The following MPZ variants were observed in gnomAD, a reference collection of about 807,000 sequenced individuals.
MPZ encodes the protein myelin protein P0.
In MPZ, 13 loss-of-function variants were observed where a neutral mutation model predicts 27.9. The observed-to-expected ratio is 0.47, with a 90% CI of 0.30 to 0.74. The LOEUF (loss-of-function observed/expected upper bound fraction) is 0.74, where lower values mean the gene tolerates loss of function less well. Among genes scored for constraint, MPZ ranks in the 30% least tolerant of loss-of-function variants. The pLI, the probability that MPZ is intolerant of heterozygous loss-of-function variation, is 0.06. For synonymous variants in MPZ, 118 were observed against 128.9 expected, an observed-to-expected ratio of 0.92 and a Z score of 0.57; for missense variants, 256 against 317.5, an observed-to-expected ratio of 0.81 and a Z score of 1.47.
At chr1:161,306,668 A>G (rs776030160) in intron 3 of MPZ, 40 bp downstream of exon 3, 1 of 1,604,230 alleles carries the variant, frequency 6.2e-7, no homozygotes, top group South Asian at 1.1e-5. Context: ...ATCCCCTCCC[A>G]AACTGCTTCC....
chr1:161,305,881 T>C lies in MPZ; in HGVS notation c.742A>G (p.Lys248Glu). ...KGLGESRKDK[K>E] The stretch of plus-strand genomic sequence containing the variant: ...CCCGCCCGGCCCGCTAACCGCTATT[T>C]CTTATCCTTGCGAGACTCCCCCAGC... Residue 248 changes from lysine to glutamate, a missense_variant, in exon 6 of 6, where the codon AAA (lysine) becomes GAA (glutamate). By Grantham distance (56) the Lys-to-Glu change is moderately conservative. Transcript: ENST00000533357. 1 of 1,613,194 alleles carries C rather than the reference T, an allele frequency of 6.2e-7. No individual in the cohort carries two copies. Among genetic ancestry groups the C allele is most frequent in the Non-Finnish European group, 8.5e-7 (1 of 1,179,408 alleles).
chr1:161,304,586 G>T (rs1670181932), downstream of MPZ: 1 of 152,558 alleles, frequency 6.6e-6, no homozygotes, highest in Non-Finnish European at 1.5e-5. Flanking sequence ...GTCTTGTGAG[G>T]CTATTTCAGA....
intron 2 of MPZ, 50 bp from the exon 3 acceptor site, chr1:161,306,971 C>G (rs1490947394): frequency 4.9e-6 from 5 of 1,014,870 alleles, no homozygotes; most frequent in Non-Finnish European, 7.3e-6. Flanking sequence ...GAGAACACAG[C>G]TGTCAAAGCT....
intron 1 of MPZ, 65 bp downstream of exon 1, chr1:161,309,774 G>A (rs1670357670): frequency 1.3e-5 from 17 of 1,298,708 alleles, no homozygotes; most frequent in Non-Finnish European, 1.9e-5. Flanking sequence ...GTGCAGCAAA[G>A]GCTGTGGGGA....
At chr1:161,309,553 T>TATATATATATATATATA (rs1553259997) in intron 1 of MPZ, among the ~76,000 whole-genome samples, 4 of 69,816 alleles carry the variant, frequency 5.7e-5, no homozygotes, top group South Asian at 4.8e-4. Context: ...TATATATATA[T>TATATATATATATATATA]TTTTTTTTTT....
chr1:161,309,359 T>C (rs529833201), intron 1 of MPZ, among the ~76,000 whole-genome samples: 4 of 152,100 alleles, frequency 2.6e-5, no homozygotes, highest in East Asian at 3.9e-4. Context: ...TATTTCTTTA[T>C]GTAATCTAAC....
At chr1:161,304,425 G>A (rs1219538343), downstream of MPZ, among the ~76,000 whole-genome samples, 1 of 152,158 alleles carries the variant, frequency 6.6e-6, no homozygotes, top group Admixed American at 6.5e-5. Flanking sequence ...TAACTGTCCT[G>A]GGGATCACAC....
In MPZ at chr1:161,309,552, A is replaced by ATATATTT; in HGVS notation, c.67+286_67+287insAAATATA. Among the ~76,000 whole-genome samples the ATATATTT allele has an allele frequency of 2.5e-3, 201 of 80,612 alleles. 4 individuals carry two copies. The highest frequency in any genetic ancestry group is 0.011 in the African/African-American group (186 of 17,312). 52.9% of individuals were successfully genotyped at this position (80,612 alleles called of 152,430 possible). On this transcript the variant is annotated intron_variant, in intron 1 of 5. Transcript: ENST00000533357. ...TTTCTTTTCATATATATATATATAT[A>ATATATTT]TTTTTTTTTTTTTTGAATTTTACAG... is the stretch of plus-strand genomic sequence containing the variant.
intron 1 of MPZ, among the ~76,000 whole-genome samples, chr1:161,308,415 A>C (rs115426293): frequency 0.011 from 1,690 of 152,270 alleles, 33 homozygotes; most frequent in African/African-American, 0.039. Context: ...CCACACAAGG[A>C]AGGTCATTCC....
rs1553259988 is a variant in MPZ, at chr1:161,309,535, C to CTCAT, written c.67+303_67+304insATGA. Among the ~76,000 whole-genome samples, 303 of 112,398 alleles carry CTCAT rather than the reference C, an allele frequency of 2.7e-3. 9 individuals carry two copies. The South Asian group carries it at 0.036, about 13-fold the overall frequency. 73.7% of individuals were successfully genotyped at this position (112,398 alleles called of 152,430 possible). A position where few individuals can be genotyped will look rare whatever the true frequency, so the allele number is the denominator to read the frequency against. On this transcript the variant is annotated intron_variant, in intron 1 of 5. Coordinates refer to ENST00000533357, the MANE Select transcript of MPZ (RefSeq NM_000530.8). ...CTCTAAATGCATATTTTTTTCTTTT[C>CTCAT]ATATATATATATATATATTTTTTTT...
chr1:161,307,700 T>A (rs138403598), intron 1 of MPZ, among the ~76,000 whole-genome samples: 1 of 152,356 alleles, frequency 6.6e-6, no homozygotes, highest in African/African-American at 2.4e-5. Flanking sequence ...TGTCTTTAAG[T>A]CTCACTTCTC....
rs1263440870 is a variant in MPZ, at chr1:161,304,819, A to G, written c.*1057T>C. 2.0e-5 allele frequency: 3 copies of G among 152,610 alleles called. No homozygotes were observed. The highest frequency in any genetic ancestry group is 4.4e-5 in the Non-Finnish European group (3 of 68,008). The allele number at this position is 152,610 out of a possible 1,614,324, so 9.5% of individuals were successfully genotyped here. Reference sequence around the variant, plus strand: ...ATACAGAATGTAGAAAAATCCTAAGAATCCCCTGTGGCTGCAGTGCAGCCT... The same window carrying G: ...ATACAGAATGTAGAAAAATCCTAAGGATCCCCTGTGGCTGCAGTGCAGCCT... On this transcript the variant is annotated 3_prime_UTR_variant, in exon 6 of 6. Transcript: ENST00000533357.
intron 1 of MPZ, among the ~76,000 whole-genome samples, chr1:161,308,174 A>G (rs933179864): frequency 1.3e-5 from 2 of 152,224 alleles, no homozygotes; most frequent in South Asian, 2.1e-4. Flanking sequence ...ACTAGAAAAT[A>G]TAAGTCTTCT....
At chr1:161,309,722 C>T (rs1670356862) in intron 1 of MPZ, 117 bp downstream of exon 1, 1 of 868,266 alleles carries the variant, frequency 1.2e-6, no homozygotes, top group Non-Finnish European at 1.9e-6. Flanking sequence ...TATAATGTCA[C>T]CTTCCTGCTC....
Position 161,305,587 on chromosome 1 carries a change from G to A in MPZ, c.*289C>T, listed in dbSNP as rs574303329. The stretch of plus-strand genomic sequence containing the variant: ...ACATCTCAAAGGGAGGTGAGGGCAG[G>A]GCAGGGCGGGGGAGCAAAGAGGGAA... On this transcript the variant is annotated 3_prime_UTR_variant, in exon 6 of 6. Transcript: ENST00000533357. The A allele has an allele frequency of 1.2e-5, 6 of 490,366 alleles. No homozygotes were observed. The East Asian group carries it at 2.1e-4, about 17-fold the overall frequency. 30.4% of individuals were successfully genotyped at this position (490,366 alleles called of 1,614,324 possible).
chr1:161,305,989 G>A lies in MPZ; in HGVS notation c.646-12C>T. 3 of 1,612,764 alleles carry A rather than the reference G, an allele frequency of 1.9e-6. No homozygotes were observed. The highest frequency in any genetic ancestry group is 1.7e-4 in the Middle Eastern group (1 of 6,060). ...TACAGCACTGGCGTCTGGGGGAGGG[G>A]CGCACACATCAGTCACCGAGCGACT... On this transcript the variant is annotated splice_polypyrimidine_tract_variant and intron_variant, in intron 5 of 5. Coordinates refer to ENST00000533357, the MANE Select transcript of MPZ (RefSeq NM_000530.8).
intron 1 of MPZ, among the ~76,000 whole-genome samples, chr1:161,309,562 T>A (rs1670351992): frequency 8.5e-6 from 1 of 117,944 alleles, no homozygotes; most frequent in Non-Finnish European, 1.9e-5. Context: ...ATTTTTTTTT[T>A]TTTTGAATTT....
intron 1 of MPZ, 82 bp from the exon 2 acceptor site, chr1:161,307,506 G>A (rs1670293405): frequency 7.7e-6 from 12 of 1,553,284 alleles, no homozygotes; most frequent in Admixed American, 6.8e-5. Context: ...AGGAAATCAA[G>A]TGCTGAGTCA....
intron 3 of MPZ, 73 bp downstream of exon 3, chr1:161,306,635 C>T (rs1670255621): frequency 1.3e-6 from 2 of 1,573,342 alleles, no homozygotes; most frequent in Admixed American, 1.7e-5. Flanking sequence ...TTGCCTCTTC[C>T]CCCAACCTAT....
Sources: allele counts gnomAD v4.1 joint callset (sites outside exome capture counted in the v4.1 genomes callset), GRCh38; gene constraint gnomAD v4.1.1; transcripts MANE v1.5; gene names NCBI Gene and HGNC (gene_info 2026-07-23, HGNC 2026-07-21).